Variants in TBXAS1 observed in about 807,000 individuals in gnomAD.
TBXAS1 encodes the protein thromboxane A synthase 1.
A neutral mutation model predicts 60.7 loss-of-function variants in TBXAS1; 48 were observed. The observed-to-expected ratio is 0.79, with a 90% CI of 0.63 to 1.01. The LOEUF (loss-of-function observed/expected upper bound fraction) is 1.01. TBXAS1 is among the 50% of genes least tolerant of loss of function. TBXAS1 has a pLI of 0.00. For missense variants in TBXAS1, 685 were observed against 686.3 expected, an observed-to-expected ratio of 1.00 and a Z score of 0.02; for synonymous variants, 287 against 269.7, an observed-to-expected ratio of 1.06 and a Z score of -0.63.
chr7:139,992,043 C>T (rs535556483), intron 9 of TBXAS1, among the ~76,000 whole-genome samples: 58 of 152,306 alleles, frequency 3.8e-4, no homozygotes, highest in Non-Finnish European at 6.6e-4. Flanking sequence ...TCTCCCCCAA[C>T]GCCCAGCCAA....
At position 139,953,351 on chromosome 7, in the gene TBXAS1, T is replaced by G; in HGVS notation, c.451-17T>G. 6.2e-7 allele frequency: 1 copy of G among 1,608,376 alleles called. No homozygotes were observed. The highest frequency in any genetic ancestry group is 8.5e-7 in the Non-Finnish European group (1 of 1,174,782). On this transcript the variant is annotated splice_polypyrimidine_tract_variant and intron_variant, in intron 5 of 12. Transcript: ENST00000448866. ...CCGGCATGGTGCCCTAATTACACCTTTGTTATCCATTATCAGATGGTTCCC... is the reference window on the plus strand; with the variant it reads ...CCGGCATGGTGCCCTAATTACACCTGTGTTATCCATTATCAGATGGTTCCC...
chr7:139,805,164 G>C (rs1797817364), intron 4 of TBXAS1, among the ~76,000 whole-genome samples: 1 of 152,258 alleles, frequency 6.6e-6, no homozygotes. Context: ...GCGCTAGCCA[G>C]GTGCCAGGCC....
intron 6 of TBXAS1, among the ~76,000 whole-genome samples, chr7:139,953,746 T>G (rs1162007347): frequency 6.6e-6 from 1 of 152,062 alleles, no homozygotes; most frequent in Non-Finnish European, 1.5e-5. Flanking sequence ...AGGACAGGGA[T>G]GGGGGGAAAG....
At chr7:139,789,238 CTCTT>C (rs968147519) in intron 4 of TBXAS1, 44 of 151,784 alleles carry the variant, frequency 2.9e-4, no homozygotes, top group Middle Eastern at 6.8e-3. Flanking sequence ...CTCTCTCTCT[CTCTT>C]TCTTTCTCCC....
intron 3 of TBXAS1, among the ~76,000 whole-genome samples, chr7:139,881,462 C>A (rs1009459266): frequency 6.6e-6 from 1 of 152,054 alleles, no homozygotes; most frequent in African/African-American, 2.4e-5. Context: ...TTTTCCCCCC[C>A]TCCAGGAGGG....
intron 3 of TBXAS1, among the ~76,000 whole-genome samples, chr7:139,884,709 G>A (rs746746777): frequency 1.3e-5 from 2 of 152,200 alleles, no homozygotes; most frequent in Non-Finnish European, 2.9e-5. Flanking sequence ...GTAGTCAGGC[G>A]TCCAGTAAAG....
intron 9 of TBXAS1, among the ~76,000 whole-genome samples, chr7:139,996,999 A>G (rs1813345670): frequency 6.6e-6 from 1 of 152,172 alleles, no homozygotes; most frequent in Non-Finnish European, 1.5e-5. Flanking sequence ...GCCATCCTAC[A>G]TGTCGTTGTC....
chr7:139,779,544 A>G (rs1347935158), intron 1 of TBXAS1, among the ~76,000 whole-genome samples: 1 of 152,230 alleles, frequency 6.6e-6, no homozygotes, highest in Non-Finnish European at 1.5e-5. Context: ...GTCACACAGT[A>G]TTGAAGCTTA....
chr7:139,848,527 C>T (rs1249504629), intron 1 of TBXAS1, among the ~76,000 whole-genome samples: 1 of 152,130 alleles, frequency 6.6e-6, no homozygotes, highest in African/African-American at 2.4e-5. Context: ...TTCTCATGGT[C>T]TGTATGTTCA....
chr7:140,007,229 T>C (rs1585046558), intron 10 of TBXAS1, 47 bp downstream of exon 10: 1 of 1,456,038 alleles, frequency 6.9e-7, no homozygotes, highest in East Asian at 2.7e-5. Flanking sequence ...CTCCTACCCC[T>C]ACCCCCTGCC....
intron 9 of TBXAS1, among the ~76,000 whole-genome samples, chr7:139,973,475 C>A (rs979983171): frequency 1.3e-5 from 2 of 151,954 alleles, no homozygotes; most frequent in Non-Finnish European, 2.9e-5. Flanking sequence ...GGCCCAGACA[C>A]TCCTTTAACC....
intron 3 of TBXAS1, among the ~76,000 whole-genome samples, chr7:139,900,144 G>C (rs975136789): frequency 1.3e-5 from 2 of 152,170 alleles, no homozygotes; most frequent in African/African-American, 4.8e-5. Context: ...TATTTCACTA[G>C]TATGAGAAGT....
intron 4 of TBXAS1, among the ~76,000 whole-genome samples, chr7:139,920,454 A>G (rs1379895129): frequency 6.6e-6 from 1 of 152,232 alleles, no homozygotes; most frequent in Non-Finnish European, 1.5e-5. Context: ...AGGAGGAGAC[A>G]TGACCACAAA....
In TBXAS1 at chr7:139,936,253, G is replaced by A. The variant is rs1046174429; in HGVS notation, c.396G>A (p.Trp132Ter). ...TTCTGTTTTTACGTGACAAAAGATG[G>A]GAAGAGGTCAGAGGTGCCCTGATGT... Reference protein sequence around the residue: ...DSVLFLRDKRWEEVRGALMSA... With the variant: ...DSVLFLRDKR The change falls in exon 5 of 13, where the codon TGG becomes TGA. Residue 132 changes from tryptophan to a stop codon, truncating the protein, a stop_gained. Coordinates refer to ENST00000448866, the MANE Select transcript of TBXAS1 (RefSeq NM_001061.7). LOFTEE classifies it high-confidence loss of function. 7.4e-6 allele frequency: 12 copies of A among 1,614,090 alleles called. No individual in the cohort carries two copies. Among genetic ancestry groups the A allele is most frequent in the Non-Finnish European group, 1.0e-5 (12 of 1,180,040 alleles).
At chr7:139,895,161 G>A (rs1246615857) in intron 3 of TBXAS1, among the ~76,000 whole-genome samples, 1 of 152,120 alleles carries the variant, frequency 6.6e-6, no homozygotes, top group Non-Finnish European at 1.5e-5. Context: ...GGGGAGGTGA[G>A]GGCAAAGAAT....
intron 3 of TBXAS1, among the ~76,000 whole-genome samples, chr7:139,905,059 C>CTT (rs56752847): frequency 0.028 from 3,222 of 113,264 alleles, 70 homozygotes; most frequent in Non-Finnish European, 0.043. Flanking sequence ...TTCTTTCTTT[C>CTT]TCTCTCTCTC....
chr7:139,815,347 T>C (rs1284701491), intron 4 of TBXAS1, among the ~76,000 whole-genome samples: 2 of 152,186 alleles, frequency 1.3e-5, no homozygotes, highest in Non-Finnish European at 2.9e-5. Context: ...TTTCCAAGTT[T>C]CTAGGCAGCC....
intron 3 of TBXAS1, among the ~76,000 whole-genome samples, chr7:139,878,971 TCTC>T (rs1195054482): frequency 6.6e-6 from 1 of 152,058 alleles, no homozygotes; most frequent in Non-Finnish European, 1.5e-5. Flanking sequence ...ACAGGGCAAA[TCTC>T]CTCACTGCTC....
In TBXAS1 at chr7:139,955,657, C is replaced by T. The variant is rs1415030889; in HGVS notation, c.688+50C>T. The T allele has an allele frequency of 3.1e-6, 5 of 1,610,700 alleles. No individual in the cohort carries two copies. In the South Asian group the frequency reaches 5.5e-5, roughly 18 times the overall value. On this transcript the variant is annotated intron_variant, in intron 7 of 12. Coordinates refer to ENST00000448866, the MANE Select transcript of TBXAS1 (RefSeq NM_001061.7). ...GCTGCGATGACTCCAGCAAGTTGGG[C>T]AGACCCCATGACACCTGGGGTGGCT... is the stretch of plus-strand genomic sequence containing the variant.
Sources: gnomAD v4.1 joint callset for allele counts (sites outside exome capture counted in the v4.1 genomes callset) on GRCh38, gnomAD v4.1.1 for gene constraint, MANE v1.5 for transcripts, NCBI Gene and HGNC (gene_info 2026-07-23, HGNC 2026-07-21) for gene names.